RGPD2: variants seen among roughly 807,000 people sequenced by gnomAD.
The protein encoded by RGPD2 is RANBP2 like and GRIP domain containing 2, also known as RANBP2-like and GRIP domain-containing protein 2.
In RGPD2, 2 loss-of-function variants were observed where a neutral mutation model predicts 36.0. The ratio of observed to expected loss-of-function variants is 0.06; its 90% CI spans 0.02 to 0.17. RGPD2 has a LOEUF of 0.17. Among genes scored for constraint, RGPD2 ranks in the 10% least tolerant of loss-of-function variants. RGPD2 has a pLI of 1.00. For missense variants in RGPD2, 40 were observed against 464.3 expected, an observed-to-expected ratio of 0.09 and a Z score of 8.40; for synonymous variants, 19 against 163.8, an observed-to-expected ratio of 0.12 and a Z score of 6.75.
chr2:87,876,009 G>T, the RGPD2 span, among the ~76,000 whole-genome samples: 1 of 151,784 alleles, frequency 6.6e-6, no homozygotes, highest in African/African-American at 2.4e-5. Flanking sequence ...AGAGGTGTTT[G>T]CAGTATTCTC....
At chr2:87,940,984 T>C in the RGPD2 span, among the ~76,000 whole-genome samples, 1 of 151,920 alleles carries the variant, frequency 6.6e-6, no homozygotes, top group African/African-American at 2.4e-5. Context: ...TCAACATTTA[T>C]CCAAAAATGG....
At chr2:87,814,085 A>AAC (rs1286387553) in intron 4 of RGPD2, among the ~76,000 whole-genome samples, 2 of 138,566 alleles carry the variant, frequency 1.4e-5, no homozygotes, top group Non-Finnish European at 3.1e-5. Flanking sequence ...TTTGAGGCAT[A>AAC]ACACCTAAGA....
At chr2:87,964,479 T>C in the RGPD2 span, among the ~76,000 whole-genome samples, 1 of 152,160 alleles carries the variant, frequency 6.6e-6, no homozygotes, top group Non-Finnish European at 1.5e-5. Context: ...TCACAGATAC[T>C]ATGTTTTTGA....
intron 1 of RGPD2, among the ~76,000 whole-genome samples, chr2:87,822,409 A>ACT (rs1686419534): frequency 6.8e-6 from 1 of 146,864 alleles, no homozygotes; most frequent in Non-Finnish European, 1.5e-5. Flanking sequence ...CAAGAACAAG[A>ACT]CTCTCATCAG....
the RGPD2 span, among the ~76,000 whole-genome samples, chr2:87,985,480 G>T: frequency 6.6e-6 from 1 of 150,882 alleles, no homozygotes; most frequent in South Asian, 2.1e-4. Context: ...ATTTTACAAA[G>T]GTGAAATGAG....
chr2:87,894,710 C>T, the RGPD2 span, among the ~76,000 whole-genome samples: 6 of 144,510 alleles, frequency 4.2e-5, no homozygotes, highest in African/African-American at 7.7e-5. Flanking sequence ...ATAAGGAATG[C>T]GTCGTATACT....
chr2:87,961,253 T>C, the RGPD2 span, among the ~76,000 whole-genome samples: 1 of 152,228 alleles, frequency 6.6e-6, no homozygotes, highest in African/African-American at 2.4e-5. Context: ...GATTAACTTA[T>C]AAATTCCAAG....
chr2:87,977,338 CA>C, the RGPD2 span, among the ~76,000 whole-genome samples: 1 of 50,152 alleles, frequency 2.0e-5, no homozygotes. Context: ...TGGGCTTATG[CA>C]AAAGTCCTCT....
At chr2:87,921,852 A>T in the RGPD2 span, among the ~76,000 whole-genome samples, 9 of 152,116 alleles carry the variant, frequency 5.9e-5, no homozygotes, top group Non-Finnish European at 1.0e-4. Flanking sequence ...CAGAGGAAGA[A>T]ATAAGAAGTG....
chr2:87,857,734 T>C, the RGPD2 span, among the ~76,000 whole-genome samples: 5 of 149,296 alleles, frequency 3.3e-5, no homozygotes, highest in South Asian at 2.1e-4. Context: ...GTCAGGAGAT[T>C]GAGACCATCC....
chr2:87,986,001 C>G, the RGPD2 span: 2 of 950,166 alleles, frequency 2.1e-6, no homozygotes, highest in Non-Finnish European at 3.1e-6. Flanking sequence ...TTAACTTCTA[C>G]TATGTAAAGG....
At chr2:87,958,464 C>A in the RGPD2 span, among the ~76,000 whole-genome samples, 21,744 of 132,832 alleles carry the variant, frequency 0.16, no homozygotes, top group Middle Eastern at 0.24. Context: ...TGGAAATATT[C>A]CTGCATATAC....
intron 20 of RGPD2, among the ~76,000 whole-genome samples, chr2:87,781,618 C>T (rs1913773): frequency 3.3e-5 from 5 of 151,306 alleles, no homozygotes; most frequent in South Asian, 4.2e-4. Flanking sequence ...CGCACCACCA[C>T]GCCCGGCTCA....
chr2:87,857,733 T>G, the RGPD2 span, among the ~76,000 whole-genome samples: 3 of 149,496 alleles, frequency 2.0e-5, no homozygotes, highest in South Asian at 4.2e-4. Flanking sequence ...AGTCAGGAGA[T>G]TGAGACCATC....
At chr2:87,871,537 A>AGAT in the RGPD2 span, among the ~76,000 whole-genome samples, 1 of 142,340 alleles carries the variant, frequency 7.0e-6, no homozygotes, top group East Asian at 2.1e-4. Context: ...GGAATTTGTC[A>AGAT]GATAGAGTAA....
chr2:87,836,794 T>A, the RGPD2 span, among the ~76,000 whole-genome samples: 2 of 152,052 alleles, frequency 1.3e-5, no homozygotes, highest in Non-Finnish European at 2.9e-5. Context: ...AGTGACAAAT[T>A]GGGTAAAGCA....
the RGPD2 span, among the ~76,000 whole-genome samples, chr2:87,961,558 C>T: frequency 6.6e-6 from 1 of 151,276 alleles, no homozygotes; most frequent in Non-Finnish European, 1.5e-5. Context: ...AAAAATTACC[C>T]GGGCGTGGAG....
At chr2:87,877,573 G>A in the RGPD2 span, among the ~76,000 whole-genome samples, 8 of 152,202 alleles carry the variant, frequency 5.3e-5, no homozygotes, top group Admixed American at 2.6e-4. Flanking sequence ...GGAGGCCGAG[G>A]AGGGCAGATC....
chr2:87,930,566 A>T, the RGPD2 span, among the ~76,000 whole-genome samples: 1 of 151,756 alleles, frequency 6.6e-6, no homozygotes, highest in Non-Finnish European at 1.5e-5. Context: ...TGGAATCATG[A>T]TGTTGCTGGT....
Sources: allele counts gnomAD v4.1 joint callset (sites outside exome capture counted in the v4.1 genomes callset), GRCh38; gene constraint gnomAD v4.1.1; transcripts MANE v1.5; gene names NCBI Gene and HGNC (gene_info 2026-07-23, HGNC 2026-07-21).